The following DPP10 variants were observed in gnomAD, a reference collection of about 807,000 sequenced individuals.
The protein encoded by DPP10 is inactive dipeptidyl peptidase 10.
In DPP10, 33 loss-of-function variants were observed where a neutral mutation model predicts 120.9. That is an observed-to-expected ratio of 0.27 (90% CI 0.21 to 0.37). DPP10 has a LOEUF of 0.37. Among genes scored for constraint, DPP10 ranks in the 10% least tolerant of loss-of-function variants. The pLI is 1.00. For synonymous variants in DPP10, 337 were observed against 326.1 expected (o/e 1.03, Z -0.36); for missense variants, 816 against 942.8 (o/e 0.87, Z 1.76).
intron 3 of DPP10, among the ~76,000 whole-genome samples, chr2:115,426,384 C>T (rs1013379798): frequency 8.0e-6 from 1 of 124,530 alleles, no homozygotes; most frequent in Non-Finnish European, 1.7e-5. Flanking sequence ...CACCAGGTGC[C>T]ACTCCGACGC....
chr2:115,046,233 C>T (rs1705061476), intron 1 of DPP10, among the ~76,000 whole-genome samples: 1 of 152,104 alleles, frequency 6.6e-6, no homozygotes, highest in Non-Finnish European at 1.5e-5. Context: ...TGTTTTAGAG[C>T]AATGACCATG....
intron 3 of DPP10, among the ~76,000 whole-genome samples, chr2:115,407,887 A>AT (rs551224825): frequency 1.1e-3 from 170 of 151,368 alleles, no homozygotes; most frequent in African/African-American, 3.9e-3. Context: ...AAAAGTAGTC[A>AT]TTTTTTTTCA....
intron 21 of DPP10, among the ~76,000 whole-genome samples, chr2:115,826,197 G>A (rs10199665): frequency 1.8e-3 from 272 of 152,290 alleles, no homozygotes; most frequent in African/African-American, 6.4e-3. Flanking sequence ...CTCAGCATGA[G>A]TGGCTCCATT....
intron 1 of DPP10, among the ~76,000 whole-genome samples, chr2:115,113,219 T>A (rs2049321771): frequency 6.6e-6 from 1 of 151,776 alleles, no homozygotes; most frequent in East Asian, 1.9e-4. Flanking sequence ...GTTTTGTATG[T>A]TTTACTTGTT....
chr2:114,553,938 G>A (rs1688083304), intron 1 of DPP10, among the ~76,000 whole-genome samples: 1 of 152,086 alleles, frequency 6.6e-6, no homozygotes, highest in Non-Finnish European at 1.5e-5. Context: ...TTTGAAGCTG[G>A]GCTTCTAGTG....
At chr2:115,124,233 T>C (rs147768603) in intron 1 of DPP10, among the ~76,000 whole-genome samples, 2 of 152,314 alleles carry the variant, frequency 1.3e-5, no homozygotes, top group South Asian at 2.1e-4. Context: ...TAAGCCATCA[T>C]GCTCAGCCTG....
intron 1 of DPP10, among the ~76,000 whole-genome samples, chr2:115,215,540 G>A (rs1159096501): frequency 6.6e-6 from 1 of 152,048 alleles, no homozygotes; most frequent in Non-Finnish European, 1.5e-5. Context: ...TGGAGAAAAG[G>A]GAACATATAC....
chr2:114,923,197 T>C (rs571315677), intron 1 of DPP10, among the ~76,000 whole-genome samples: 171 of 151,494 alleles, frequency 1.1e-3, no homozygotes, highest in Non-Finnish European at 1.9e-3. Flanking sequence ...TTTCTTTTTT[T>C]TTTTTAGACA....
intron 3 of DPP10, among the ~76,000 whole-genome samples, chr2:115,484,818 A>C (rs2075667007): frequency 6.6e-6 from 1 of 152,192 alleles, no homozygotes; most frequent in African/African-American, 2.4e-5. Context: ...TTCAAAAAGC[A>C]ATAAATAGTC....
At chr2:115,434,441 C>A (rs1314916671) in intron 3 of DPP10, among the ~76,000 whole-genome samples, 1 of 151,884 alleles carries the variant, frequency 6.6e-6, no homozygotes, top group Non-Finnish European at 1.5e-5. Context: ...ACTGCCAGTG[C>A]AGGCAAAATA....
chr2:114,653,380 G>T (rs1306506053), intron 1 of DPP10, among the ~76,000 whole-genome samples: 1 of 152,114 alleles, frequency 6.6e-6, no homozygotes, highest in East Asian at 1.9e-4. Context: ...AGGAAACTTT[G>T]TGGAGCCTGT....
intron 1 of DPP10, among the ~76,000 whole-genome samples, chr2:114,504,994 G>A (rs767408746): frequency 5.6e-5 from 8 of 141,748 alleles, no homozygotes; most frequent in African/African-American, 7.8e-5. Flanking sequence ...AGAGGTTGCA[G>A]TGAGCCAACA....
At chr2:115,324,239 A>G (rs1423644521) in intron 2 of DPP10, among the ~76,000 whole-genome samples, 7 of 152,084 alleles carry the variant, frequency 4.6e-5, no homozygotes, top group African/African-American at 1.7e-4. Context: ...TCGCACCATT[A>G]CACTCCAGCC....
chr2:115,024,625 G>T (rs959193489), intron 1 of DPP10, among the ~76,000 whole-genome samples: 1 of 150,108 alleles, frequency 6.7e-6, no homozygotes, highest in East Asian at 1.9e-4. Context: ...AACCTTAAAT[G>T]TATATATGTA....
intron 1 of DPP10, among the ~76,000 whole-genome samples, chr2:115,308,050 T>C (rs1444363698): frequency 6.6e-6 from 1 of 152,102 alleles, no homozygotes. Context: ...AACAACAAAA[T>C]GCCTCCTATG....
intron 1 of DPP10, chr2:115,064,742 T>C: frequency 7.7e-7 from 1 of 1,304,056 alleles, no homozygotes; most frequent in Non-Finnish European, 1.0e-6. Context: ...AGAAAGTGGT[T>C]ATAGTCCACT....
chr2:115,480,545 A>G (rs957888782), intron 3 of DPP10, among the ~76,000 whole-genome samples: 9 of 152,108 alleles, frequency 5.9e-5, no homozygotes, highest in Admixed American at 5.2e-4. Context: ...GATTTTCTAT[A>G]TCATATCTGT....
intron 9 of DPP10, 33 bp downstream of exon 9, chr2:115,739,926 C>A (rs1326791637): frequency 6.6e-7 from 1 of 1,524,862 alleles, no homozygotes; most frequent in Non-Finnish European, 8.9e-7. Flanking sequence ...TTTGTTCCTT[C>A]TCTCTCTCTG....
At chr2:115,441,304 C>T (rs1208280240) in intron 3 of DPP10, among the ~76,000 whole-genome samples, 1 of 152,176 alleles carries the variant, frequency 6.6e-6, no homozygotes, top group Admixed American at 6.5e-5. Flanking sequence ...TTAACCTAGA[C>T]TTGCAGCTGG....
Sources: allele counts gnomAD v4.1 joint callset (sites outside exome capture counted in the v4.1 genomes callset), GRCh38; gene constraint gnomAD v4.1.1; transcripts MANE v1.5; gene names NCBI Gene and HGNC (gene_info 2026-07-23, HGNC 2026-07-21).